NEGR1: variants seen among roughly 807,000 people sequenced by gnomAD.
NEGR1 encodes the protein IgLON family member 4.
In NEGR1, 10 loss-of-function variants were observed where a neutral mutation model predicts 40.9. The ratio of observed to expected loss-of-function variants is 0.24; its 90% CI spans 0.15 to 0.42. NEGR1 has a LOEUF of 0.42. NEGR1 is among the 10% of genes least tolerant of loss of function. The probability of loss-of-function intolerance (pLI) is 1.00; values close to 1 mark genes in which losing one functional copy is unlikely to be tolerated. For synonymous variants in NEGR1, 185 were observed against 166.8 expected, an observed-to-expected ratio of 1.11 and a Z score of -0.84; for missense variants, 352 against 438.9, an observed-to-expected ratio of 0.80 and a Z score of 1.77.
At chr1:72,086,546 T>C (rs938495386) in intron 1 of NEGR1, among the ~76,000 whole-genome samples, 8 of 152,216 alleles carry the variant, frequency 5.3e-5, no homozygotes, top group African/African-American at 1.7e-4. Context: ...GAATACTTTG[T>C]TTACCACATG....
At chr1:72,243,294 G>A (rs1390614240) in intron 1 of NEGR1, among the ~76,000 whole-genome samples, 1 of 151,694 alleles carries the variant, frequency 6.6e-6, no homozygotes, top group East Asian at 1.9e-4. Context: ...AGAAGGATAA[G>A]CCTCTTAGGT....
intron 4 of NEGR1, among the ~76,000 whole-genome samples, chr1:71,661,037 T>A (rs1009787101): frequency 6.6e-6 from 1 of 152,194 alleles, no homozygotes; most frequent in Non-Finnish European, 1.5e-5. Flanking sequence ...AACTCATCCT[T>A]TTTTAGGGCT....
chr1:71,621,813 T>C (rs976426739), intron 4 of NEGR1, among the ~76,000 whole-genome samples: 1 of 151,914 alleles, frequency 6.6e-6, no homozygotes, highest in African/African-American at 2.4e-5. Flanking sequence ...GGGTTGAATT[T>C]ACTAAGCTAT....
intron 1 of NEGR1, among the ~76,000 whole-genome samples, chr1:72,182,345 T>C (rs1375492533): frequency 6.6e-6 from 1 of 151,964 alleles, no homozygotes; most frequent in Admixed American, 6.6e-5. Context: ...AATACAAAAA[T>C]TAGCTGGCCA....
intron 4 of NEGR1, among the ~76,000 whole-genome samples, chr1:71,662,961 T>G (rs1015230755): frequency 5.9e-5 from 9 of 151,776 alleles, no homozygotes; most frequent in Non-Finnish European, 4.4e-5. Context: ...GTGTTTTTTT[T>G]TTCTTTCTTT....
chr1:71,698,713 C>A (rs192131384), intron 3 of NEGR1, among the ~76,000 whole-genome samples: 117 of 151,838 alleles, frequency 7.7e-4, no homozygotes, highest in Non-Finnish European at 1.3e-3. Context: ...CGCAATAAAT[C>A]TTGGAAAAAA....
intron 3 of NEGR1, among the ~76,000 whole-genome samples, chr1:71,742,951 G>A (rs1655263296): frequency 6.6e-6 from 1 of 152,090 alleles, no homozygotes; most frequent in Admixed American, 6.6e-5. Flanking sequence ...TCATGTGGGT[G>A]GCACTCCCAT....
intron 2 of NEGR1, among the ~76,000 whole-genome samples, chr1:71,898,408 G>A (rs918113758): frequency 6.6e-6 from 1 of 152,188 alleles, no homozygotes; most frequent in African/African-American, 2.4e-5. Flanking sequence ...GAGGTCAGGA[G>A]ATCGAGACTA....
intron 6 of NEGR1, among the ~76,000 whole-genome samples, chr1:71,509,255 C>T (rs1367965564): frequency 6.6e-6 from 1 of 152,172 alleles, no homozygotes; most frequent in East Asian, 1.9e-4. Flanking sequence ...GGCTCTATAC[C>T]AGGACAAGGA....
intron 1 of NEGR1, among the ~76,000 whole-genome samples, chr1:71,987,315 G>C (rs1356365956): frequency 6.6e-6 from 1 of 152,190 alleles, no homozygotes; most frequent in East Asian, 1.9e-4. Context: ...CCTGGTGCCA[G>C]CTTCACATCT....
intron 1 of NEGR1, among the ~76,000 whole-genome samples, chr1:72,183,227 G>T (rs982245053): frequency 2.0e-5 from 3 of 152,090 alleles, no homozygotes; most frequent in African/African-American, 7.2e-5. Flanking sequence ...CTCCAGTTGT[G>T]CACTTTCACA....
intron 5 of NEGR1, among the ~76,000 whole-genome samples, chr1:71,593,650 T>A (rs1163233312): frequency 6.6e-6 from 1 of 152,196 alleles, no homozygotes; most frequent in East Asian, 1.9e-4. Flanking sequence ...AAATTCAAAC[T>A]AATTGTCCAA....
chr1:71,818,612 C>A (rs1373042896), intron 2 of NEGR1, among the ~76,000 whole-genome samples: 3 of 151,898 alleles, frequency 2.0e-5, no homozygotes, highest in African/African-American at 7.3e-5. Context: ...ACAAAATAAT[C>A]TGTACACCAA....
intron 2 of NEGR1, among the ~76,000 whole-genome samples, chr1:71,853,859 G>A (rs549159667): frequency 9.2e-5 from 14 of 152,222 alleles, no homozygotes; most frequent in African/African-American, 3.1e-4. Flanking sequence ...TATTAGCATT[G>A]CTAGACGTCT....
chr1:71,776,126 G>A (rs1282910485), intron 3 of NEGR1, 46 bp downstream of exon 3: 3 of 1,481,932 alleles, frequency 2.0e-6, no homozygotes, highest in Admixed American at 4.0e-5. Flanking sequence ...GAGGTTACAG[G>A]AGAAAAATGA....
At chr1:71,802,030 A>G (rs1657581269) in intron 2 of NEGR1, among the ~76,000 whole-genome samples, 1 of 152,194 alleles carries the variant, frequency 6.6e-6, no homozygotes, top group African/African-American at 2.4e-5. Flanking sequence ...CATGCTATGA[A>G]GTGGCAAATA....
intron 2 of NEGR1, among the ~76,000 whole-genome samples, chr1:71,836,617 G>A (rs564686118): frequency 4.6e-5 from 7 of 151,430 alleles, no homozygotes; most frequent in South Asian, 2.1e-4. Flanking sequence ...GGACTCCGGC[G>A]ATTTCAGTTT....
In NEGR1 at chr1:71,909,632, A is replaced by C. The variant is rs114250761; in HGVS notation, c.409+25447T>G. 4.6e-3 allele frequency among the ~76,000 whole-genome samples: 701 copies of C among 152,324 alleles called. 6 individuals carry two copies. Among genetic ancestry groups the C allele is most frequent in the African/African-American group, 0.016 (679 of 41,584 alleles). ...AAAAGAGTAATGAATTGTCAGTTTTAACTGGAAAGGGGTTTTTATGTGATT... is the reference window on the plus strand; with the variant it reads ...AAAAGAGTAATGAATTGTCAGTTTTCACTGGAAAGGGGTTTTTATGTGATT... On this transcript the variant is annotated intron_variant, in intron 2 of 6. Transcript: ENST00000357731.
At chr1:71,835,905 T>C (rs1482108638) in intron 2 of NEGR1, among the ~76,000 whole-genome samples, 1 of 152,136 alleles carries the variant, frequency 6.6e-6, no homozygotes, top group Admixed American at 6.5e-5. Context: ...TATGTATATA[T>C]GCCTAGTCTA....
Sources: gnomAD v4.1 joint callset for allele counts (sites outside exome capture counted in the v4.1 genomes callset) on GRCh38, gnomAD v4.1.1 for gene constraint, MANE v1.5 for transcripts, NCBI Gene and HGNC (gene_info 2026-07-23, HGNC 2026-07-21) for gene names.